The following LRSAM1 variants were observed in gnomAD, a reference collection of about 807,000 sequenced individuals.
The protein encoded by LRSAM1 is E3 ubiquitin-protein ligase LRSAM1.
LRSAM1 carries 96 observed loss-of-function variants against 118.1 expected under a neutral mutation model. The observed-to-expected ratio is 0.81, with a 90% confidence interval of 0.69 to 0.96. The LOEUF (loss-of-function observed/expected upper bound fraction) is 0.96. Among genes scored for constraint, LRSAM1 ranks in the 40% least tolerant of loss-of-function variants. The pLI is 0.00. For missense variants in LRSAM1, 804 were observed against 915.5 expected (o/e 0.88, Z 1.57); for synonymous variants, 322 against 364.2 (o/e 0.88, Z 1.32).
At chr9:127,456,347 C>T (rs1834517869) in intron 5 of LRSAM1, among the ~76,000 whole-genome samples, 2 of 151,616 alleles carry the variant, frequency 1.3e-5, no homozygotes, top group African/African-American at 4.8e-5. Context: ...AATTCTCCTG[C>T]CTCAGCCTCC....
chr9:127,467,979 A>G, intron 10 of LRSAM1, 149 bp downstream of exon 10: 2 of 747,838 alleles, frequency 2.7e-6, no homozygotes, highest in South Asian at 3.1e-5. Flanking sequence ...GGAAACAGGC[A>G]AAACAAATGT....
At chr9:127,496,726 G>A (rs906669155) in intron 23 of LRSAM1, among the ~76,000 whole-genome samples, 75 of 152,154 alleles carry the variant, frequency 4.9e-4, no homozygotes, top group African/African-American at 1.8e-3. Context: ...TGGCCCCAGA[G>A]TTCGTGTTCT....
At chr9:127,458,414 CAA>C (rs1401762866) in intron 6 of LRSAM1, among the ~76,000 whole-genome samples, 18 of 136,834 alleles carry the variant, frequency 1.3e-4, no homozygotes, top group South Asian at 2.3e-4. Context: ...CAAAACAAAA[CAA>C]AACAAAAAAA....
chr9:127,463,773 G>C (rs1477616401), intron 9 of LRSAM1, among the ~76,000 whole-genome samples: 12 of 152,200 alleles, frequency 7.9e-5, no homozygotes. Context: ...ACGGAAAGCA[G>C]CTCTCACAGT....
chr9:127,478,795 G>T, intron 11 of LRSAM1, 139 bp from the exon 12 acceptor site: 1 of 809,844 alleles, frequency 1.2e-6, no homozygotes, highest in South Asian at 1.5e-5. Flanking sequence ...CTCATCCCCC[G>T]ACCCCACCAT....
chr9:127,452,915 C>CT (rs1267346633), intron 2 of LRSAM1, among the ~76,000 whole-genome samples: 1 of 152,190 alleles, frequency 6.6e-6, no homozygotes, highest in Admixed American at 6.5e-5. Context: ...GCACCTGGCT[C>CT]TGAGTTCAGG....
chr9:127,474,430 G>T (rs1048453957), intron 11 of LRSAM1, among the ~76,000 whole-genome samples: 1 of 152,060 alleles, frequency 6.6e-6, no homozygotes, highest in African/African-American at 2.4e-5. Context: ...ACCATGCTCA[G>T]CCTCCTTCAG....
intron 24 of LRSAM1, 147 bp from the exon 25 acceptor site, chr9:127,500,863 G>A (rs2132127425): frequency 8.4e-6 from 9 of 1,065,236 alleles, no homozygotes; most frequent in Non-Finnish European, 1.3e-5. Context: ...TGTGTGGCAA[G>A]GAGAGCACTT....
chr9:127,499,081 A>G (rs1836268493), intron 24 of LRSAM1, among the ~76,000 whole-genome samples: 1 of 151,458 alleles, frequency 6.6e-6, no homozygotes, highest in African/African-American at 2.4e-5. Flanking sequence ...AAAGAAAAAA[A>G]CAAATATAGA....
chr9:127,487,510 C>T (rs956180542), intron 17 of LRSAM1, 166 bp from the exon 18 acceptor site: 3 of 636,376 alleles, frequency 4.7e-6, no homozygotes, highest in South Asian at 3.3e-5. Flanking sequence ...GGGATTCAGA[C>T]AGACTCAGTG....
At chr9:127,458,860 C>T (rs1414030567) in intron 6 of LRSAM1, 143 bp from the exon 7 acceptor site, 1 of 744,566 alleles carries the variant, frequency 1.3e-6, no homozygotes, top group African/African-American at 1.7e-5. Flanking sequence ...CGGGAATGAT[C>T]AACACTGAGT....
intron 11 of LRSAM1, 45 bp from the exon 12 acceptor site, chr9:127,478,889 C>G: frequency 6.2e-7 from 1 of 1,609,258 alleles, no homozygotes. Context: ...CAGGGAGAAC[C>G]ACTGCTGCCA....
chr9:127,468,775 A>G (rs1282862066), intron 10 of LRSAM1, among the ~76,000 whole-genome samples: 2 of 137,220 alleles, frequency 1.5e-5, no homozygotes, highest in Non-Finnish European at 3.1e-5. Context: ...GGAGTTTGAG[A>G]CCAGCCTAGG....
chr9:127,454,784 T>A (rs1042296620), intron 3 of LRSAM1, among the ~76,000 whole-genome samples, 185 bp downstream of exon 3: 1 of 152,196 alleles, frequency 6.6e-6, no homozygotes, highest in Non-Finnish European at 1.5e-5. Flanking sequence ...CCCTGTAGAC[T>A]GAGCGCACTG....
chr9:127,487,310 G>C (rs896924618), intron 17 of LRSAM1, among the ~76,000 whole-genome samples: 1 of 152,180 alleles, frequency 6.6e-6, no homozygotes, highest in African/African-American at 2.4e-5. Context: ...GGGAAGGACA[G>C]CTTTGTCATA....
intron 9 of LRSAM1, among the ~76,000 whole-genome samples, chr9:127,463,785 A>T (rs1191856292): frequency 6.6e-6 from 1 of 152,228 alleles, no homozygotes; most frequent in Non-Finnish European, 1.5e-5. Flanking sequence ...TCTCACAGTC[A>T]TGCTAATGAG....
chr9:127,455,516 A>C, intron 4 of LRSAM1, 60 bp from the exon 5 acceptor site: 1 of 1,554,612 alleles, frequency 6.4e-7, no homozygotes, highest in Non-Finnish European at 8.9e-7. Flanking sequence ...AATGCCACTC[A>C]GAGAACAAGC....
At chr9:127,454,127 G>A (rs1175488364) in intron 2 of LRSAM1, 3 of 335,936 alleles carry the variant, frequency 8.9e-6, no homozygotes, top group East Asian at 1.6e-4. Context: ...CTAGAAAGAC[G>A]CAGCCCCTGC....
chr9:127,478,860 G>A lies in LRSAM1; in HGVS notation c.751-74G>A, dbSNP rs536074997. The A allele has an allele frequency of 2.7e-6, 4 of 1,477,722 alleles. No individual in the cohort carries two copies. In the African/African-American group the frequency reaches 5.5e-5, roughly 20 times the overall value. The allele number at this position is 1,477,722 out of a possible 1,614,324, so 91.5% of individuals were successfully genotyped here. A position where few individuals can be genotyped will look rare whatever the true frequency, so the allele number is the denominator to read the frequency against. On this transcript the variant is annotated intron_variant, in intron 11 of 25. Transcript: ENST00000300417. The stretch of plus-strand genomic sequence containing the variant: ...GTTTGTATAACATCAGGCCACCCGG[G>A]GGTTCCTGGTGCCCATGCCAGGGAG...
Sources: gnomAD v4.1 joint callset for allele counts (sites outside exome capture counted in the v4.1 genomes callset) on GRCh38, gnomAD v4.1.1 for gene constraint, MANE v1.5 for transcripts, NCBI Gene and HGNC (gene_info 2026-07-23, HGNC 2026-07-21) for gene names.